SPATA3: variants seen among roughly 807,000 people sequenced by gnomAD.
The protein encoded by SPATA3 is spermatogenesis associated 3.
A neutral mutation model predicts 5.7 loss-of-function variants in SPATA3; 6 were observed. The ratio of observed to expected loss-of-function variants is 1.06; its 90% CI spans 0.58 to 2.09. The LOEUF (loss-of-function observed/expected upper bound fraction) is 2.09. SPATA3 is among the 30% of genes most tolerant of loss of function. The pLI, the probability that SPATA3 is intolerant of heterozygous loss-of-function variation, is 0.00. For synonymous variants in SPATA3, 44 were observed against 48.4 expected (o/e 0.91, Z 0.37); for missense variants, 155 against 130.4 (o/e 1.19, Z -0.92).
chr2:231,007,558 T>C (rs975604904), downstream of SPATA3, among the ~76,000 whole-genome samples: 4 of 152,228 alleles, frequency 2.6e-5, no homozygotes, highest in African/African-American at 9.6e-5. Flanking sequence ...TCTGCACCTC[T>C]GTCCCAGGGT....
intron 6 of SPATA3, among the ~76,000 whole-genome samples, chr2:231,018,242 C>G (rs1357582320): frequency 6.6e-6 from 1 of 152,062 alleles, no homozygotes; most frequent in African/African-American, 2.4e-5. Flanking sequence ...GAAATTTTAC[C>G]ACAAGCTGCC....
intron 5 of SPATA3, among the ~76,000 whole-genome samples, chr2:231,013,281 AAACT>A (rs1692838559): frequency 6.6e-6 from 1 of 152,154 alleles, no homozygotes; most frequent in African/African-American, 2.4e-5. Flanking sequence ...CATGTTCTAG[AAACT>A]AACATAAATG....
downstream of SPATA3, among the ~76,000 whole-genome samples, chr2:231,003,442 G>A (rs1255765657): frequency 6.6e-6 from 1 of 152,192 alleles, no homozygotes; most frequent in African/African-American, 2.4e-5. Flanking sequence ...GTGCTCTCAG[G>A]GAGTGAGGGA....
At chr2:231,010,492 C>T (rs754303852), downstream of SPATA3, among the ~76,000 whole-genome samples, 1 of 152,152 alleles carries the variant, frequency 6.6e-6, no homozygotes, top group Non-Finnish European at 1.5e-5. Flanking sequence ...TTTGTTATGA[C>T]CAGTTCTTAC....
intron 6 of SPATA3, among the ~76,000 whole-genome samples, chr2:231,016,524 AG>A (rs1246877982): frequency 1.3e-4 from 18 of 137,460 alleles, no homozygotes; most frequent in East Asian, 6.8e-4. Context: ...AAAAAAAAAA[AG>A]AAGAAGAAGG....
At chr2:230,999,333 A>G (rs1336651555) in intron 1 of SPATA3, among the ~76,000 whole-genome samples, 2 of 152,182 alleles carry the variant, frequency 1.3e-5, no homozygotes, top group African/African-American at 2.4e-5. Context: ...CTTTGTGAAT[A>G]TACTAAAAAC....
chr2:231,001,536 T>C (rs1692353843), intron 2 of SPATA3, among the ~76,000 whole-genome samples: 3 of 152,092 alleles, frequency 2.0e-5, no homozygotes, highest in African/African-American at 4.8e-5. Context: ...GAGAACACGC[T>C]TGGAGCCAAA....
At chr2:231,015,651 AAC>A (rs1270952830) in intron 6 of SPATA3, among the ~76,000 whole-genome samples, 1 of 152,204 alleles carries the variant, frequency 6.6e-6, no homozygotes, top group Non-Finnish European at 1.5e-5. Flanking sequence ...GAAGTGACTC[AAC>A]ACACACGTCC....
downstream of SPATA3, among the ~76,000 whole-genome samples, chr2:231,010,913 TAAA>T (rs58404200): frequency 0.19 from 24,385 of 131,710 alleles, 4,107 homozygotes; most frequent in African/African-American, 0.46. Context: ...TGTATTTTTC[TAAA>T]AAAAAAAAAA....
At chr2:231,007,913 G>C (rs938038434), downstream of SPATA3, among the ~76,000 whole-genome samples, 5 of 152,210 alleles carry the variant, frequency 3.3e-5, no homozygotes, top group African/African-American at 1.2e-4. Flanking sequence ...GGGAGGCCAA[G>C]ACAGGAGGAT....
chr2:231,019,249 G>A (rs571338644), intron 6 of SPATA3, among the ~76,000 whole-genome samples: 8 of 148,380 alleles, frequency 5.4e-5, no homozygotes, highest in Non-Finnish European at 1.2e-4. Context: ...GATTACAGGA[G>A]TGAGCCACCG....
intron 1 of SPATA3, among the ~76,000 whole-genome samples, chr2:230,996,987 G>A (rs767463015): frequency 9.2e-5 from 14 of 152,214 alleles, no homozygotes; most frequent in Non-Finnish European, 1.6e-4. Flanking sequence ...GATGGAGGAT[G>A]AGAAGGATCA....
At chr2:231,007,435 C>T (rs1215694760), downstream of SPATA3, among the ~76,000 whole-genome samples, 6 of 152,156 alleles carry the variant, frequency 3.9e-5, no homozygotes, top group Non-Finnish European at 7.3e-5. Context: ...CACAGACCCC[C>T]GGTGGAGCAG....
chr2:231,005,428 CACCACCACA>C (rs1395266465), downstream of SPATA3, among the ~76,000 whole-genome samples: 9 of 119,474 alleles, frequency 7.5e-5, no homozygotes, highest in East Asian at 2.6e-4. Flanking sequence ...TCATCACCAC[CACCACCACA>C]ATCACCACCA....
intron 1 of SPATA3, among the ~76,000 whole-genome samples, chr2:230,997,215 T>C (rs950415096): frequency 6.6e-6 from 1 of 152,270 alleles, no homozygotes; most frequent in South Asian, 2.1e-4. Flanking sequence ...GTCTTTTCCG[T>C]GGTGTTCTCG....
chr2:231,013,639 T>C (rs913930176), intron 5 of SPATA3, among the ~76,000 whole-genome samples: 1 of 152,132 alleles, frequency 6.6e-6, no homozygotes, highest in African/African-American at 2.4e-5. Context: ...TACGGGCATG[T>C]GCCACCATGC....
intron 1 of SPATA3, among the ~76,000 whole-genome samples, chr2:230,997,806 G>A (rs1692186481): frequency 6.6e-6 from 1 of 152,218 alleles, no homozygotes; most frequent in Non-Finnish European, 1.5e-5. Context: ...AACAATAATG[G>A]TGATAGCAAA....
chr2:231,000,760 G>A (rs1266594059), intron 2 of SPATA3, among the ~76,000 whole-genome samples: 2 of 152,168 alleles, frequency 1.3e-5, no homozygotes, highest in Non-Finnish European at 2.9e-5. Flanking sequence ...GTACAGAGAG[G>A]TGCCAGTTTT....
chr2:231,019,704 C>G (rs1474799460), intron 6 of SPATA3: 1 of 151,124 alleles, frequency 6.6e-6, no homozygotes, highest in Non-Finnish European at 1.5e-5. Context: ...CAGTGCCACT[C>G]TCCTCTGATT....
Sources: allele counts gnomAD v4.1 joint callset (sites outside exome capture counted in the v4.1 genomes callset), GRCh38; gene constraint gnomAD v4.1.1; transcripts MANE v1.5; gene names NCBI Gene and HGNC (gene_info 2026-07-23, HGNC 2026-07-21).